Variants in RRM1 observed in about 807,000 individuals in gnomAD.
RRM1 encodes the protein ribonucleotide reductase catalytic subunit M1, also known as ribonucleoside-diphosphate reductase large subunit.
A neutral mutation model predicts 101.5 loss-of-function variants in RRM1; 19 were observed. That is an observed-to-expected ratio of 0.19 (90% CI 0.13 to 0.27). RRM1 has a LOEUF of 0.27. Among genes scored for constraint, RRM1 ranks in the 10% least tolerant of loss-of-function variants. The pLI, the probability that RRM1 is intolerant of heterozygous loss-of-function variation, is 1.00. For synonymous variants in RRM1, 298 were observed against 323.4 expected, an observed-to-expected ratio of 0.92 and a Z score of 0.84; for missense variants, 500 against 962.9, an observed-to-expected ratio of 0.52 and a Z score of 6.36.
intron 15 of RRM1, among the ~76,000 whole-genome samples, chr11:4,130,086 A>ATTTTTTTTTT (rs796657105): frequency 2.0e-5 from 2 of 99,484 alleles, no homozygotes; most frequent in African/African-American, 1.1e-4. Context: ...ATATATATAT[A>ATTTTTTTTTT]TTTTTTTTTT....
intron 9 of RRM1, among the ~76,000 whole-genome samples, chr11:4,120,642 G>A (rs1020048958): frequency 2.0e-5 from 3 of 152,072 alleles, no homozygotes; most frequent in Non-Finnish European, 4.4e-5. Flanking sequence ...TTGGGATTAT[G>A]GGTGTTAGCC....
intron 18 of RRM1, 26 bp downstream of exon 18, chr11:4,135,296 T>C (rs2094607419): frequency 6.6e-7 from 1 of 1,511,272 alleles, no homozygotes; most frequent in African/African-American, 1.4e-5. Context: ...CAAGGAGTAC[T>C]TAATTGCCAG....
intron 18 of RRM1, chr11:4,137,157 C>G (rs931694061): frequency 2.8e-5 from 7 of 248,070 alleles, no homozygotes; most frequent in African/African-American, 7.1e-5. Flanking sequence ...GAAAAGTCTC[C>G]CGTGTCTACT....
At chr11:4,116,424 T>G (rs886633342) in intron 7 of RRM1, 3 of 152,200 alleles carry the variant, frequency 2.0e-5, no homozygotes, top group Non-Finnish European at 2.9e-5. Context: ...AAACCCTGTC[T>G]TTACTAAAAA....
At chr11:4,096,590 A>T (rs189593221) in intron 1 of RRM1, among the ~76,000 whole-genome samples, 94 of 152,364 alleles carry the variant, frequency 6.2e-4, no homozygotes, top group African/African-American at 2.2e-3. Flanking sequence ...GCAAAATAAC[A>T]TAGTGCACTT....
At chr11:4,125,711 A>T (rs1455213310) in intron 12 of RRM1, among the ~76,000 whole-genome samples, 1 of 152,146 alleles carries the variant, frequency 6.6e-6, no homozygotes, top group African/African-American at 2.4e-5. Context: ...TAACATTTTC[A>T]ATGAGGTCCT....
intron 9 of RRM1, among the ~76,000 whole-genome samples, chr11:4,120,583 C>T (rs1055500651): frequency 1.1e-4 from 16 of 152,118 alleles, no homozygotes; most frequent in African/African-American, 3.9e-4. Flanking sequence ...CTAGGCTGAT[C>T]TCAAACTCCT....
In RRM1 at chr11:4,138,224, G is replaced by A; in HGVS notation, c.2220G>A (p.Arg740=). 1 of 1,592,116 alleles carries A rather than the reference G, an allele frequency of 6.3e-7. No homozygotes were observed. Among genetic ancestry groups the A allele is most frequent in the East Asian group, 2.2e-5 (1 of 44,690 alleles). ...QGLKTGMYYL[R]TRPAANPIQF... ...TGAAGACTGGGATGTATTATTTAAG[G>A]ACAAGACCAGCGGCTAATCCAATCC... The change falls in exon 19 of 19, where the codon AGG becomes AGA. Residue 740 remains arginine, a synonymous_variant. Transcript: ENST00000300738.
Position 4,138,380 on chromosome 11 carries a change from C to T in RRM1, c.2376C>T (p.Ser792=), listed in dbSNP as rs751899400. ...GAGATGAATGTCTGATGTGTGGATCCTGAGGAAAGACTTGGAAGAGACCAG... is the reference window on the plus strand; with the variant it reads ...GAGATGAATGTCTGATGTGTGGATCTTGAGGAAAGACTTGGAAGAGACCAG... ...ENRDECLMCG[S] Residue 792 remains serine (S), a synonymous_variant, in exon 19 of 19, where the codon TCC becomes TCT. Coordinates refer to ENST00000300738, the MANE Select transcript of RRM1 (RefSeq NM_001033.5). 138 of 1,599,280 alleles carry T rather than the reference C, an allele frequency of 8.6e-5. 1 individual carries two copies. The highest frequency in any genetic ancestry group is 3.3e-4 in the Middle Eastern group (2 of 6,028).
intron 1 of RRM1, among the ~76,000 whole-genome samples, chr11:4,096,424 C>T (rs887877669): frequency 6.6e-6 from 1 of 152,230 alleles, no homozygotes; most frequent in Non-Finnish European, 1.5e-5. Flanking sequence ...TGTGAATAAG[C>T]AGGTAGTTGA....
intron 15 of RRM1, among the ~76,000 whole-genome samples, chr11:4,131,778 G>A (rs1027913353): frequency 3.3e-5 from 5 of 152,134 alleles, no homozygotes; most frequent in African/African-American, 4.8e-5. Flanking sequence ...CTCTTTACAG[G>A]ATAATGGAGA....
intron 5 of RRM1, among the ~76,000 whole-genome samples, chr11:4,111,076 A>C (rs567383787): frequency 6.6e-6 from 1 of 152,058 alleles, no homozygotes; most frequent in African/African-American, 2.4e-5. Flanking sequence ...TGCCGAAACA[A>C]AAGTGCCAGT....
intron 9 of RRM1, 142 bp downstream of exon 9, chr11:4,120,070 A>C: frequency 1.7e-6 from 1 of 578,936 alleles, no homozygotes; most frequent in Non-Finnish European, 3.1e-6. Flanking sequence ...TAATTATTTT[A>C]ATATGCATAT....
chr11:4,117,087 A>G lies in RRM1; in HGVS notation c.651-1233A>G, dbSNP rs906790153. On this transcript the variant is annotated intron_variant, in intron 7 of 18. Transcript: ENST00000300738. The stretch of plus-strand genomic sequence containing the variant: ...TTGGCTAATAAACGTCTGAGATGTT[A>G]AACTGTGCAATAGGAAAATGAAAAT... Among the ~76,000 whole-genome samples, 5 of 152,248 alleles carry G rather than the reference A, an allele frequency of 3.3e-5. No individual in the cohort carries two copies. In the East Asian group the frequency reaches 9.6e-4, roughly 29 times the overall value.
chr11:4,096,307 G>A (rs2094543479), intron 1 of RRM1, among the ~76,000 whole-genome samples: 1 of 152,190 alleles, frequency 6.6e-6, no homozygotes, highest in African/African-American at 2.4e-5. Context: ...GGGAATACAA[G>A]CAAGATGGAG....
At chr11:4,095,611 A>G (rs2094542544) in intron 1 of RRM1, among the ~76,000 whole-genome samples, 1 of 152,162 alleles carries the variant, frequency 6.6e-6, no homozygotes, top group Non-Finnish European at 1.5e-5. Flanking sequence ...CAGATCCCAG[A>G]CAGACAGCAC....
In RRM1 at chr11:4,118,339, A is replaced by G; in HGVS notation, c.670A>G (p.Lys224Glu). ...QLSSCFLLSM[K>E]DDSIEGIYDT... is the part of the protein sequence containing the mutation. ...CCGTAGCTGTTTTCTTCTGAGTATG[A>G]AAGATGACAGCATTGAAGGCATTTA... Residue 224 changes from lysine (K) to glutamate (E), a missense_variant, in exon 8 of 19, where the codon AAA becomes GAA. This residue lies in a region of RRM1 where 111 missense variants were observed against 219.8 expected (regional missense o/e 0.51). Coordinates refer to ENST00000300738, the MANE Select transcript of RRM1 (RefSeq NM_001033.5). 6.2e-7 allele frequency: 1 copy of G among 1,613,274 alleles called. No homozygotes were observed. Among genetic ancestry groups the G allele is most frequent in the Non-Finnish European group, 8.5e-7 (1 of 1,179,660 alleles).
In RRM1 at chr11:4,123,172, G is replaced by A. The variant is rs769342966; in HGVS notation, c.1119-11G>A. 2 of 1,607,292 alleles carry A rather than the reference G, an allele frequency of 1.2e-6. No homozygotes were observed. The highest frequency in any genetic ancestry group is 1.3e-5 in the African/African-American group (1 of 74,834). On this transcript the variant is annotated splice_polypyrimidine_tract_variant and intron_variant, in intron 11 of 18. Coordinates refer to ENST00000300738, the MANE Select transcript of RRM1 (RefSeq NM_001033.5). Reference sequence around the variant, plus strand: ...GAATATATATTAAATAATATTATCTGTGCCTTTCAGTTATGAGAAACAAGG... The same window carrying A: ...GAATATATATTAAATAATATTATCTATGCCTTTCAGTTATGAGAAACAAGG...
rs141801692 is a variant in RRM1, at chr11:4,115,211, C to G, written c.651-3109C>G. On this transcript the variant is annotated intron_variant, in intron 7 of 18. Coordinates refer to ENST00000300738, the MANE Select transcript of RRM1 (RefSeq NM_001033.5). ...AAAAGACTGCCCAAAAATGTCAGGT[C>G]GAAATTCCTGGAACCTGTAAATGTT... is the stretch of plus-strand genomic sequence containing the variant. Among the ~76,000 whole-genome samples the G allele has an allele frequency of 5.4e-3, 819 of 152,102 alleles. 2 individuals are homozygous for G. Among genetic ancestry groups the G allele is most frequent in the African/African-American group, 0.017 (709 of 41,482 alleles).
Sources: gnomAD v4.1 joint callset for allele counts (sites outside exome capture counted in the v4.1 genomes callset) on GRCh38, gnomAD v4.1.1 for gene constraint, gnomAD v4.1.1 regional missense constraint, MANE v1.5 for transcripts, NCBI Gene and HGNC (gene_info 2026-07-23, HGNC 2026-07-21) for gene names.